The following CADPS2 variants were observed in gnomAD, a reference collection of about 807,000 sequenced individuals.
The protein encoded by CADPS2 is calcium dependent secretion activator 2.
In CADPS2, 93 loss-of-function variants were observed where a neutral mutation model predicts 172.5. The ratio of observed to expected loss-of-function variants is 0.54; its 90% confidence interval spans 0.46 to 0.64. The LOEUF (loss-of-function observed/expected upper bound fraction) is 0.64. CADPS2 is among the 30% of genes least tolerant of loss of function. The pLI is 0.00. For missense variants in CADPS2, 1,420 were observed against 1,565.9 expected, an observed-to-expected ratio of 0.91 and a Z score of 1.57; for synonymous variants, 546 against 555.2, an observed-to-expected ratio of 0.98 and a Z score of 0.23.
chr7:122,687,898 C>T (rs762270570), intron 2 of CADPS2, among the ~76,000 whole-genome samples: 1 of 152,068 alleles, frequency 6.6e-6, no homozygotes, highest in African/African-American at 2.4e-5. Context: ...ATGTATCAAG[C>T]CTTTTGTTAA....
At chr7:122,629,097 T>C (rs1287383708) in intron 4 of CADPS2, 151 bp downstream of exon 4, 3 of 491,956 alleles carry the variant, frequency 6.1e-6, no homozygotes, top group Non-Finnish European at 1.1e-5. Context: ...TGCTTTCAGA[T>C]ATTTGGGATT....
chr7:122,424,439 G>T, intron 17 of CADPS2: 2 of 459,434 alleles, frequency 4.4e-6, no homozygotes, highest in Non-Finnish European at 5.7e-6. Flanking sequence ...AATCCAAACT[G>T]AGCAGTCTCC....
intron 2 of CADPS2, among the ~76,000 whole-genome samples, chr7:122,666,102 A>G (rs2081167439): frequency 1.3e-5 from 2 of 152,198 alleles, no homozygotes; most frequent in Non-Finnish European, 2.9e-5. Flanking sequence ...AACCTGCATA[A>G]GTATTTATAT....
At chr7:122,876,781 C>T (rs1333917172) in intron 1 of CADPS2, among the ~76,000 whole-genome samples, 1 of 151,944 alleles carries the variant, frequency 6.6e-6, no homozygotes, top group African/African-American at 2.4e-5. Context: ...AAAATAGCCA[C>T]TTTTCTGAAA....
At chr7:122,839,591 C>A (rs1356816626) in intron 1 of CADPS2, among the ~76,000 whole-genome samples, 2 of 152,074 alleles carry the variant, frequency 1.3e-5, no homozygotes, top group East Asian at 3.9e-4. Flanking sequence ...AGGAAAAAAA[C>A]AAACAACCCC....
At chr7:122,694,689 T>C (rs1251593657) in intron 2 of CADPS2, among the ~76,000 whole-genome samples, 1 of 152,236 alleles carries the variant, frequency 6.6e-6, no homozygotes, top group Admixed American at 6.5e-5. Flanking sequence ...AGTATGTATT[T>C]AAAGATATTT....
intron 2 of CADPS2, among the ~76,000 whole-genome samples, chr7:122,687,348 T>C (rs1302359221): frequency 6.6e-6 from 1 of 152,220 alleles, no homozygotes; most frequent in Non-Finnish European, 1.5e-5. Flanking sequence ...CCACTGTGCA[T>C]TTCTTTAAGC....
intron 3 of CADPS2, among the ~76,000 whole-genome samples, chr7:122,651,579 C>T (rs1486532237): frequency 6.6e-6 from 1 of 152,132 alleles, no homozygotes; most frequent in African/African-American, 2.4e-5. Flanking sequence ...AATACCCAAA[C>T]AGTTCTGTGA....
Position 122,592,050 on chromosome 7 carries a change from A to G in CADPS2, c.1224-10760T>C, listed in dbSNP as rs561701146. Among the ~76,000 whole-genome samples the G allele has an allele frequency of 5.3e-3, 814 of 152,296 alleles. 5 individuals are homozygous for G. Among genetic ancestry groups the G allele is most frequent in the African/African-American group, 0.018 (764 of 41,572 alleles). On this transcript the variant is annotated intron_variant, in intron 6 of 29. Transcript: ENST00000449022. The stretch of plus-strand genomic sequence containing the variant: ...GAAACTACCATCAGAGTGAACAGGC[A>G]ACCTACAGAATGGGAGAAAATTTTT...
In CADPS2 at chr7:122,705,434, TG is replaced by T. The variant is rs528485960; in HGVS notation, c.453+31520del. ...ATATTAGTAGAGATAATATATAATA[TG>T]TAATATAATATTATATATTATCTAT... On this transcript the variant is annotated intron_variant, in intron 2 of 29. Coordinates refer to ENST00000449022, the MANE Select transcript of CADPS2 (RefSeq NM_017954.11). Among the ~76,000 whole-genome samples the T allele has an allele frequency of 1.6e-3, 228 of 139,074 alleles. 1 individual carries two copies. Among genetic ancestry groups the T allele is most frequent in the African/African-American group, 5.4e-3 (205 of 37,692 alleles). The allele number at this position is 139,074 out of a possible 152,430, so 91.2% of individuals were successfully genotyped here.
At chr7:122,651,037 C>A (rs780493184) in intron 3 of CADPS2, among the ~76,000 whole-genome samples, 2 of 151,944 alleles carry the variant, frequency 1.3e-5, no homozygotes, top group Non-Finnish European at 2.9e-5. Flanking sequence ...AAATATTCTC[C>A]TCAAATGTTT....
Position 122,794,089 on chromosome 7 carries a change from G to A in CADPS2, c.340-57021C>T, listed in dbSNP as rs116127842. On this transcript the variant is annotated intron_variant, in intron 1 of 29. Transcript: ENST00000449022. ...TTCATTTCAGCCTAGAGAATCTGAC[G>A]ATTACATGTCTTGTGGATGATCTTC... Among the ~76,000 whole-genome samples, 171 of 152,096 alleles carry A rather than the reference G, an allele frequency of 1.1e-3. 1 individual carries two copies. The highest frequency in any genetic ancestry group is 4.0e-3 in the African/African-American group (167 of 41,494).
intron 6 of CADPS2, among the ~76,000 whole-genome samples, chr7:122,594,730 G>A (rs1479450049): frequency 1.4e-4 from 21 of 151,656 alleles, no homozygotes; most frequent in Admixed American, 1.4e-3. Context: ...AAAGACATTA[G>A]CTTGAAGCAC....
intron 28 of CADPS2, among the ~76,000 whole-genome samples, chr7:122,338,010 C>A (rs2036157333): frequency 6.6e-6 from 1 of 152,190 alleles, no homozygotes; most frequent in Admixed American, 6.5e-5. Flanking sequence ...TAAGACACTG[C>A]TGCTATCATA....
At chr7:122,332,244 T>C (rs2035075824) in intron 28 of CADPS2, among the ~76,000 whole-genome samples, 1 of 152,132 alleles carries the variant, frequency 6.6e-6, no homozygotes, top group African/African-American at 2.4e-5. Context: ...TCTCATATAC[T>C]CTCTTAAGAC....
At chr7:122,459,879 C>G (rs555895125) in intron 14 of CADPS2, among the ~76,000 whole-genome samples, 254 of 151,806 alleles carry the variant, frequency 1.7e-3, no homozygotes, top group South Asian at 2.5e-3. Context: ...AAAATGCATA[C>G]AAAATAAAAA....
intron 27 of CADPS2, among the ~76,000 whole-genome samples, chr7:122,348,435 T>C (rs1166993457): frequency 6.6e-6 from 1 of 152,178 alleles, no homozygotes; most frequent in Non-Finnish European, 1.5e-5. Flanking sequence ...AATTTCTAAG[T>C]TGAGACAGTT....
chr7:122,371,704 A>C (rs1408676696), intron 25 of CADPS2, among the ~76,000 whole-genome samples: 1 of 151,522 alleles, frequency 6.6e-6, no homozygotes, highest in African/African-American at 2.4e-5. Context: ...TAGTACTGCC[A>C]GTGAGAATGG....
In CADPS2 at chr7:122,471,461, C is replaced by A. The variant is rs768051139; in HGVS notation, c.2100G>T (p.Met700Ile). 5.0e-6 allele frequency: 8 copies of A among 1,613,442 alleles called. No individual in the cohort carries two copies. Among genetic ancestry groups the A allele is most frequent in the Non-Finnish European group, 6.8e-6 (8 of 1,179,690 alleles). ...TGACAGCACCATTTTCTGAATGTTC[C>A]ATCAGTTCTGCAAGGTAGCAGAGAT... The part of the protein sequence containing the change: ...HRHLCYLAEL[M>I]EHSENGAVID... The change falls in exon 14 of 30, where the codon ATG becomes ATT. Residue 700 changes from methionine to isoleucine, a missense_variant. Coordinates refer to ENST00000449022, the MANE Select transcript of CADPS2 (RefSeq NM_017954.11).
Sources: allele counts gnomAD v4.1 joint callset (sites outside exome capture counted in the v4.1 genomes callset), GRCh38; gene constraint gnomAD v4.1.1; transcripts MANE v1.5; gene names NCBI Gene and HGNC (gene_info 2026-07-23, HGNC 2026-07-21).